The following PRTFDC1 variants were observed in gnomAD, a reference collection of about 807,000 sequenced individuals.
PRTFDC1 encodes phosphoribosyltransferase domain-containing protein 1.
In PRTFDC1, 38 loss-of-function variants were observed where a neutral mutation model predicts 34.6. That is an observed-to-expected ratio of 1.10 (90% CI 0.85 to 1.44). PRTFDC1 has a LOEUF of 1.44. Among genes scored for constraint, PRTFDC1 ranks in the 40% most tolerant of loss-of-function variants. The pLI, the probability that PRTFDC1 is intolerant of heterozygous loss-of-function variation, is 0.00. For missense variants in PRTFDC1, 270 were observed against 283.0 expected (o/e 0.95, Z 0.33); for synonymous variants, 93 against 98.1 (o/e 0.95, Z 0.31).
chr10:24,855,300 A>C lies in PRTFDC1; in HGVS notation c.553+18T>G. The C allele has an allele frequency of 6.2e-7, 1 of 1,608,714 alleles. No homozygotes were observed. Among genetic ancestry groups the C allele is most frequent in the Non-Finnish European group, 8.5e-7 (1 of 1,176,106 alleles). ...CAAAACAAACAAACAAACAAACAAAAAACTGAAAAACACTTACAGTCAGGT... is the reference window on the plus strand; with the variant it reads ...CAAAACAAACAAACAAACAAACAAACAACTGAAAAACACTTACAGTCAGGT... On this transcript the variant is annotated intron_variant, in intron 7 of 8. Coordinates refer to ENST00000320152, the MANE Select transcript of PRTFDC1 (RefSeq NM_020200.7).
chr10:24,852,168 T>G (rs1047619924), intron 7 of PRTFDC1, among the ~76,000 whole-genome samples: 1 of 151,946 alleles, frequency 6.6e-6, no homozygotes, highest in Non-Finnish European at 1.5e-5. Context: ...AAGATGATGA[T>G]TTTTTGTCAG....
At chr10:24,907,223 T>C (rs1285350290) in intron 3 of PRTFDC1, among the ~76,000 whole-genome samples, 1 of 147,494 alleles carries the variant, frequency 6.8e-6, no homozygotes, top group East Asian at 2.0e-4. Context: ...AAAAAAAAAA[T>C]GAAGTAAAAA....
intron 3 of PRTFDC1, among the ~76,000 whole-genome samples, chr10:24,928,449 CT>C (rs1310976091): frequency 1.3e-5 from 2 of 151,932 alleles, no homozygotes; most frequent in African/African-American, 2.4e-5. Context: ...CTTTCTTTTT[CT>C]TTTTTTCTCT....
rs1847434263 is a variant in PRTFDC1 at position 24,848,868 on chromosome 10, G to A, written c.*976C>T. On this transcript the variant is annotated 3_prime_UTR_variant, in exon 9 of 9. Transcript: ENST00000320152. ...ATGTTATTCAGAAAAAAACTTTCTTGAGTGTGCTTGTTTCCTGTAGCACCT... is the reference window on the plus strand; with the variant it reads ...ATGTTATTCAGAAAAAAACTTTCTTAAGTGTGCTTGTTTCCTGTAGCACCT... 6.6e-6 allele frequency: 1 copy of A among 152,168 alleles called. No individual in the cohort carries two copies. Among genetic ancestry groups the A allele is most frequent in the Non-Finnish European group, 1.5e-5 (1 of 68,028 alleles). 9.4% of individuals were successfully genotyped at this position (152,168 alleles called of 1,614,324 possible). A position where few individuals can be genotyped will look rare whatever the true frequency, so the allele number is the denominator to read the frequency against.
chr10:24,880,541 T>A (rs1415748345), intron 3 of PRTFDC1, among the ~76,000 whole-genome samples: 1 of 152,244 alleles, frequency 6.6e-6, no homozygotes, highest in Non-Finnish European at 1.5e-5. Flanking sequence ...TTATTCTTTG[T>A]TCATTCACAC....
intron 1 of PRTFDC1, among the ~76,000 whole-genome samples, chr10:24,944,056 T>G (rs1379226546): frequency 6.6e-6 from 1 of 152,062 alleles, no homozygotes; most frequent in African/African-American, 2.4e-5. Flanking sequence ...GTGCACCCCT[T>G]CATCCTCTCT....
intron 3 of PRTFDC1, among the ~76,000 whole-genome samples, chr10:24,927,290 A>G (rs1180701862): frequency 6.6e-6 from 1 of 152,214 alleles, no homozygotes; most frequent in Non-Finnish European, 1.5e-5. Flanking sequence ...TTCAGTACAC[A>G]TAGGAATAAG....
intron 1 of PRTFDC1, among the ~76,000 whole-genome samples, chr10:24,946,237 T>C (rs770005825): frequency 2.3e-4 from 35 of 152,206 alleles, no homozygotes; most frequent in Non-Finnish European, 4.1e-4. Context: ...ACTACTGTGA[T>C]GTTAGGGAGA....
chr10:24,952,432 C>G lies in PRTFDC1; in HGVS notation c.48+96G>C. The G allele has an allele frequency of 7.1e-7, 1 of 1,401,382 alleles. No homozygotes were observed. The highest frequency in any genetic ancestry group is 9.9e-7 in the Non-Finnish European group (1 of 1,014,782). 86.8% of individuals were successfully genotyped at this position (1,401,382 alleles called of 1,614,324 possible). A position where few individuals can be genotyped will look rare whatever the true frequency, so the allele number is the denominator to read the frequency against. On this transcript the variant is annotated intron_variant, in intron 1 of 8. Transcript: ENST00000320152. The surrounding 1 kb of genome is among the most constrained non-coding windows in gnomAD (Gnocchi z 5.1). ...AGGGAGAACAAAGCGGTGGCCCTCT[C>G]TCTCCCCCGACGCACGGCAAGCATT...
At chr10:24,889,188 A>G (rs1182954083) in intron 3 of PRTFDC1, among the ~76,000 whole-genome samples, 2 of 152,102 alleles carry the variant, frequency 1.3e-5, no homozygotes, top group Non-Finnish European at 2.9e-5. Context: ...CCTTCCACCA[A>G]GTGAGGACAC....
intron 3 of PRTFDC1, among the ~76,000 whole-genome samples, chr10:24,881,223 C>T (rs1050338900): frequency 3.6e-5 from 5 of 137,810 alleles, no homozygotes; most frequent in Admixed American, 2.9e-4. Context: ...TGCACCACTA[C>T]ACCCAGCTGA....
At chr10:24,865,596 A>T (rs187627649) in intron 4 of PRTFDC1, among the ~76,000 whole-genome samples, 1 of 152,304 alleles carries the variant, frequency 6.6e-6, no homozygotes, top group African/African-American at 2.4e-5. Flanking sequence ...CATGATTCTG[A>T]TCAAAACTAA....
At chr10:24,863,894 G>A (rs1847728963) in intron 4 of PRTFDC1, among the ~76,000 whole-genome samples, 1 of 151,636 alleles carries the variant, frequency 6.6e-6, no homozygotes, top group East Asian at 1.9e-4. Context: ...TGGGCAACGT[G>A]GCAAAACCCT....
At chr10:24,860,331 A>T (rs1446878935) in intron 4 of PRTFDC1, among the ~76,000 whole-genome samples, 2 of 152,208 alleles carry the variant, frequency 1.3e-5, no homozygotes, top group Non-Finnish European at 1.5e-5. Flanking sequence ...CAGTGAACCA[A>T]GATTGCACCA....
intron 7 of PRTFDC1, among the ~76,000 whole-genome samples, chr10:24,852,491 G>A (rs1380499742): frequency 6.6e-6 from 1 of 152,172 alleles, no homozygotes; most frequent in African/African-American, 2.4e-5. Context: ...GTCCAGGCGT[G>A]TGATCATGGC....
rs57910963 is a variant in PRTFDC1, at chr10:24,886,956, C to CTTTTTTTTTTT, written c.340-14904_340-14894dup. ...TCTTTGTATCTTGTTAATACTCCTT[C>CTTTTTTTTTTT]TTTTTTTTTTTTTTTTTTTTTTTTT... On this transcript the variant is annotated intron_variant, in intron 3 of 8. Coordinates refer to ENST00000320152, the MANE Select transcript of PRTFDC1 (RefSeq NM_020200.7). Among the ~76,000 whole-genome samples, 48 of 86,390 alleles carry CTTTTTTTTTTT rather than the reference C, an allele frequency of 5.6e-4. 3 individuals carry two copies. Among genetic ancestry groups the CTTTTTTTTTTT allele is most frequent in the African/African-American group, 2.3e-3 (47 of 20,466 alleles). The allele number at this position is 86,390 out of a possible 152,430, so 56.7% of individuals were successfully genotyped here. A position where few individuals can be genotyped will look rare whatever the true frequency, so the allele number is the denominator to read the frequency against.
intron 3 of PRTFDC1, among the ~76,000 whole-genome samples, chr10:24,908,045 A>C (rs996243299): frequency 6.6e-6 from 1 of 152,192 alleles, no homozygotes; most frequent in Non-Finnish European, 1.5e-5. Context: ...AATGTGGGAA[A>C]ATTTTACTTG....
At chr10:24,876,624 G>A (rs969564466) in intron 3 of PRTFDC1, among the ~76,000 whole-genome samples, 1 of 152,072 alleles carries the variant, frequency 6.6e-6, no homozygotes, top group African/African-American at 2.4e-5. Flanking sequence ...AACCTGGAAG[G>A]TGGAGGTTGC....
At chr10:24,888,199 G>A (rs190241525) in intron 3 of PRTFDC1, among the ~76,000 whole-genome samples, 4 of 152,266 alleles carry the variant, frequency 2.6e-5, no homozygotes, top group East Asian at 1.9e-4. Context: ...AAAGCAGCTC[G>A]AGGATAGGGA....
Sources: allele counts gnomAD v4.1 joint callset (sites outside exome capture counted in the v4.1 genomes callset), GRCh38; gene constraint gnomAD v4.1.1; non-coding constraint Gnocchi (gnomAD v3.1); transcripts MANE v1.5; gene names NCBI Gene and HGNC (gene_info 2026-07-23, HGNC 2026-07-21).